The following PRKG2 variants were observed in gnomAD, a reference collection of about 807,000 sequenced individuals.
The protein encoded by PRKG2 is cGMP-dependent protein kinase 2.
PRKG2 carries 33 observed loss-of-function variants against 97.2 expected under a neutral mutation model. That is an observed-to-expected ratio of 0.34 (90% CI 0.26 to 0.45). PRKG2 has a LOEUF of 0.45. PRKG2 is among the 20% of genes least tolerant of loss of function. The pLI, the probability that PRKG2 is intolerant of heterozygous loss-of-function variation, is 1.00. For missense variants in PRKG2, 638 were observed against 900.0 expected (o/e 0.71, Z 3.73); for synonymous variants, 330 against 321.8 (o/e 1.03, Z -0.27).
At chr4:81,192,236 T>C (rs1752598002) in intron 2 of PRKG2, 1 of 152,114 alleles carries the variant, frequency 6.6e-6, no homozygotes, top group South Asian at 2.1e-4. Flanking sequence ...TTAAATAAAT[T>C]TCAACAACAG....
At chr4:81,214,027 G>A (rs1754140892) in intron 1 of PRKG2, among the ~76,000 whole-genome samples, 1 of 151,266 alleles carries the variant, frequency 6.6e-6, no homozygotes, top group Non-Finnish European at 1.5e-5. Context: ...GCTAGTGTAT[G>A]TTATGTGGGA....
At chr4:81,169,317 C>T (rs1004464543) in intron 5 of PRKG2, among the ~76,000 whole-genome samples, 1 of 152,046 alleles carries the variant, frequency 6.6e-6, no homozygotes, top group African/African-American at 2.4e-5. Flanking sequence ...GAAAGCTTGT[C>T]TTTTGGCTAA....
intron 7 of PRKG2, among the ~76,000 whole-genome samples, chr4:81,152,330 G>A (rs947811741): frequency 2.0e-5 from 3 of 152,094 alleles, no homozygotes; most frequent in Non-Finnish European, 4.4e-5. Context: ...AATTTTAAAT[G>A]TGAATCCAGT....
intron 17 of PRKG2, among the ~76,000 whole-genome samples, chr4:81,103,718 C>T (rs981157829): frequency 6.6e-6 from 1 of 152,040 alleles, no homozygotes; most frequent in Non-Finnish European, 1.5e-5. Context: ...TAAATATGTA[C>T]AGCTAGTATA....
intron 16 of PRKG2, 117 bp from the exon 17 acceptor site, chr4:81,104,549 C>A (rs533506601): frequency 1.5e-4 from 65 of 421,366 alleles, no homozygotes; most frequent in African/African-American, 1.3e-3. Flanking sequence ...TTCATTCATT[C>A]ATTAAAAAAC....
At chr4:81,095,357 C>CT (rs1371495033) in intron 17 of PRKG2, among the ~76,000 whole-genome samples, 1 of 152,150 alleles carries the variant, frequency 6.6e-6, no homozygotes, top group Non-Finnish European at 1.5e-5. Flanking sequence ...CTACCCATTG[C>CT]TTTTTTGCAT....
At chr4:81,101,592 G>A (rs972982332) in intron 17 of PRKG2, among the ~76,000 whole-genome samples, 4 of 151,340 alleles carry the variant, frequency 2.6e-5, no homozygotes, top group African/African-American at 9.7e-5. Flanking sequence ...GGGAGGTATG[G>A]CATTTGGTGA....
chr4:81,176,600 G>A (rs1307829958), intron 2 of PRKG2, among the ~76,000 whole-genome samples: 1 of 152,056 alleles, frequency 6.6e-6, no homozygotes, highest in East Asian at 1.9e-4. Context: ...TTTCCTCAAT[G>A]CCCACATATA....
At chr4:81,159,833 A>G (rs909114748) in intron 6 of PRKG2, among the ~76,000 whole-genome samples, 1 of 151,848 alleles carries the variant, frequency 6.6e-6, no homozygotes, top group Non-Finnish European at 1.5e-5. Flanking sequence ...ATTGGAAATC[A>G]TCATTCTCAG....
At chr4:81,142,119 T>C (rs563842744) in intron 11 of PRKG2, among the ~76,000 whole-genome samples, 1 of 152,348 alleles carries the variant, frequency 6.6e-6, no homozygotes, top group East Asian at 1.9e-4. Flanking sequence ...TTCCTTAGAA[T>C]ACTTGTTTGA....
chr4:81,140,780 C>T, intron 11 of PRKG2, 111 bp from the exon 12 acceptor site: 1 of 868,178 alleles, frequency 1.2e-6, no homozygotes, highest in South Asian at 2.4e-5. Flanking sequence ...AGCCCTTAGC[C>T]ACTTATCCCT....
At chr4:81,099,581 C>A (rs905739181) in intron 17 of PRKG2, among the ~76,000 whole-genome samples, 10 of 152,074 alleles carry the variant, frequency 6.6e-5, no homozygotes, top group Admixed American at 6.6e-4. Flanking sequence ...TAAGAGCTAT[C>A]TATGACAAAC....
chr4:81,182,368 C>A (rs1430103189), intron 2 of PRKG2, among the ~76,000 whole-genome samples: 1 of 151,876 alleles, frequency 6.6e-6, no homozygotes, highest in Non-Finnish European at 1.5e-5. Context: ...TTAAGAAATA[C>A]TTTTGGCAAA....
At chr4:81,092,706 A>G (rs534865747) in intron 17 of PRKG2, among the ~76,000 whole-genome samples, 1 of 152,170 alleles carries the variant, frequency 6.6e-6, no homozygotes, top group Non-Finnish European at 1.5e-5. Context: ...TTAGATGTCT[A>G]ATAGGCATCT....
chr4:81,147,401 T>C (rs748872890), intron 9 of PRKG2, among the ~76,000 whole-genome samples: 3 of 152,192 alleles, frequency 2.0e-5, no homozygotes, highest in Non-Finnish European at 4.4e-5. Context: ...ATATTTTCCA[T>C]TTGAGAGTTG....
chr4:81,177,040 G>A (rs1227681582), intron 2 of PRKG2, among the ~76,000 whole-genome samples: 6 of 151,934 alleles, frequency 3.9e-5, no homozygotes, highest in Admixed American at 6.6e-5. Flanking sequence ...CTTAAGAGAT[G>A]GAACATGTTT....
At chr4:81,109,302 T>C (rs866261051) in intron 15 of PRKG2, among the ~76,000 whole-genome samples, 1 of 152,254 alleles carries the variant, frequency 6.6e-6, no homozygotes, top group Non-Finnish European at 1.5e-5. Context: ...ATAAAGTATG[T>C]GTTAAGACTT....
Position 81,088,557 on chromosome 4 carries a change from A to G in PRKG2, c.*1151T>C, listed in dbSNP as rs1280558582. On this transcript the variant is annotated 3_prime_UTR_variant, in exon 19 of 19. Transcript: ENST00000264399. ...TCCTACTTATTATTTGGGAGAGTGC[A>G]AGGAAGGGATAGGAGGGATGCTGTT... The G allele has an allele frequency of 1.3e-5, 2 of 152,100 alleles. No homozygotes were observed. The highest frequency in any genetic ancestry group is 6.5e-5 in the Admixed American group (1 of 15,272). 9.4% of individuals were successfully genotyped at this position (152,100 alleles called of 1,614,324 possible).
intron 6 of PRKG2, among the ~76,000 whole-genome samples, chr4:81,162,191 A>G (rs1361795292): frequency 6.6e-6 from 1 of 152,098 alleles, no homozygotes; most frequent in Non-Finnish European, 1.5e-5. Context: ...TATCTAAAGT[A>G]CCTGATGGAA....
Sources: gnomAD v4.1 joint callset for allele counts (sites outside exome capture counted in the v4.1 genomes callset) on GRCh38, gnomAD v4.1.1 for gene constraint, MANE v1.5 for transcripts, NCBI Gene and HGNC (gene_info 2026-07-23, HGNC 2026-07-21) for gene names.